The following CDK13 variants were observed in gnomAD, a reference collection of about 807,000 sequenced individuals.
CDK13 encodes the protein cyclin dependent kinase 13.
In CDK13, 40 loss-of-function variants were observed where a neutral mutation model predicts 137.6. The ratio of observed to expected loss-of-function variants is 0.29; its 90% CI spans 0.23 to 0.38. CDK13 has a LOEUF of 0.38. Among genes scored for constraint, CDK13 ranks in the 10% least tolerant of loss-of-function variants. The pLI is 1.00. For missense variants in CDK13, 1,704 were observed against 1,951.8 expected, an observed-to-expected ratio of 0.87 and a Z score of 2.39; for synonymous variants, 869 against 760.1, an observed-to-expected ratio of 1.14 and a Z score of -2.36.
intron 7 of CDK13, among the ~76,000 whole-genome samples, chr7:40,051,351 A>G (rs4720347): frequency 6.6e-6 from 1 of 151,752 alleles, no homozygotes; most frequent in African/African-American, 2.4e-5. Context: ...TAAAATACAT[A>G]TGTTGCTCTA....
At chr7:40,022,642 G>A (rs1004384933) in intron 5 of CDK13, among the ~76,000 whole-genome samples, 1 of 144,870 alleles carries the variant, frequency 6.9e-6, no homozygotes. Flanking sequence ...GGGGAATAGA[G>A]GAAGTATCTT....
At chr7:40,024,104 A>G (rs2150499091) in intron 5 of CDK13, among the ~76,000 whole-genome samples, 1 of 152,274 alleles carries the variant, frequency 6.6e-6, no homozygotes, top group South Asian at 2.1e-4. Context: ...TCTCAGAGGA[A>G]GTAATATTTC....
intron 2 of CDK13, among the ~76,000 whole-genome samples, chr7:39,990,285 G>A (rs1303327044): frequency 7.0e-6 from 1 of 142,550 alleles, no homozygotes; most frequent in Non-Finnish European, 1.5e-5. Flanking sequence ...CCTTTTTGTT[G>A]TCTCTTCTTT....
chr7:39,994,422 CT>C (rs564520931), intron 2 of CDK13, among the ~76,000 whole-genome samples: 70 of 152,150 alleles, frequency 4.6e-4, no homozygotes, highest in Non-Finnish European at 9.0e-4. Context: ...TGTTTCTCTA[CT>C]TTCTTTTCTT....
At chr7:40,040,115 G>T (rs1396024761) in intron 5 of CDK13, among the ~76,000 whole-genome samples, 1 of 151,554 alleles carries the variant, frequency 6.6e-6, no homozygotes, top group Non-Finnish European at 1.5e-5. Flanking sequence ...AGATTCAAGC[G>T]ATTCTCCTGC....
intron 5 of CDK13, among the ~76,000 whole-genome samples, chr7:40,024,997 G>A (rs1424211028): frequency 2.0e-5 from 3 of 151,990 alleles, no homozygotes; most frequent in Non-Finnish European, 2.9e-5. Context: ...TCATATCTCT[G>A]TGCCATTACC....
Position 40,094,215 on chromosome 7 carries a change from C to A in CDK13, c.3774C>A (p.Asp1258Glu). The change falls in exon 14 of 14, where the codon GAC becomes GAA. Residue 1258 changes from aspartate (D) to glutamate (E), a missense_variant. Coordinates refer to ENST00000181839, the MANE Select transcript of CDK13 (RefSeq NM_003718.5). ...EPDRPRILPP[D>E]QRPPEPPEPP... ...ACCGGCCTCGAATTCTGCCTCCTGA[C>A]CAACGACCTCCCGAGCCTCCTGAAC... 6.2e-7 allele frequency: 1 copy of A among 1,613,826 alleles called. No individual in the cohort carries two copies. The highest frequency in any genetic ancestry group is 8.5e-7 in the Non-Finnish European group (1 of 1,179,926).
chr7:40,054,274 T>G (rs912423998), intron 7 of CDK13, among the ~76,000 whole-genome samples: 1 of 152,240 alleles, frequency 6.6e-6, no homozygotes, highest in Non-Finnish European at 1.5e-5. Context: ...TTTCTACTTT[T>G]GAATCTCCCT....
intron 11 of CDK13, among the ~76,000 whole-genome samples, chr7:40,087,731 T>C (rs994122531): frequency 6.6e-6 from 1 of 151,376 alleles, no homozygotes; most frequent in Non-Finnish European, 1.5e-5. Context: ...GTATTTTTAG[T>C]AGAAACGGGG....
In CDK13 at chr7:39,957,517, T is replaced by C. The variant is rs185298731; in HGVS notation, c.1211+5665T>C. 6.6e-5 allele frequency among the ~76,000 whole-genome samples: 10 copies of C among 152,356 alleles called. No individual in the cohort carries two copies. In the East Asian group the frequency reaches 1.2e-3, roughly 18 times the overall value. ...AACCAGTCTGCACAGATGCGAGTTA[T>C]ATCTGTAAACTTGCTTGGTATTTTG... On this transcript the variant is annotated intron_variant, in intron 1 of 13. Coordinates refer to ENST00000181839, the MANE Select transcript of CDK13 (RefSeq NM_003718.5).
At chr7:39,984,101 C>T (rs567277583) in intron 1 of CDK13, 1 of 152,298 alleles carries the variant, frequency 6.6e-6, no homozygotes, top group African/African-American at 2.4e-5. Context: ...CTTCCCTCCA[C>T]ACTGTATTAA....
intron 2 of CDK13, among the ~76,000 whole-genome samples, chr7:39,996,904 C>A (rs1784571002): frequency 7.6e-6 from 1 of 131,902 alleles, no homozygotes; most frequent in Non-Finnish European, 1.5e-5. Flanking sequence ...GTGGAGGTTG[C>A]AGTGAGCCAG....
chr7:39,970,886 A>G (rs1286654075), intron 1 of CDK13, among the ~76,000 whole-genome samples: 3 of 152,220 alleles, frequency 2.0e-5, no homozygotes, highest in African/African-American at 7.2e-5. Flanking sequence ...TTTCCTTTTT[A>G]CAGATCCAAC....
rs1784150934 is a variant in CDK13 at position 39,978,313 on chromosome 7, T to C, written c.1212-9286T>C. 2.0e-5 allele frequency among the ~76,000 whole-genome samples: 3 copies of C among 152,266 alleles called. No individual in the cohort carries two copies. In the South Asian group the frequency reaches 6.2e-4, roughly 32 times the overall value. On this transcript the variant is annotated intron_variant, in intron 1 of 13. Coordinates refer to ENST00000181839, the MANE Select transcript of CDK13 (RefSeq NM_003718.5). The stretch of plus-strand genomic sequence containing the variant: ...TTGCAGCAGAGAGAGACTTTTAAGG[T>C]TGTAGCCAACATTATCACAGACAGT...
intron 5 of CDK13, among the ~76,000 whole-genome samples, chr7:40,044,518 C>T (rs1181959949): frequency 6.6e-6 from 1 of 151,356 alleles, no homozygotes; most frequent in Admixed American, 6.6e-5. Flanking sequence ...AGGGTTTCGA[C>T]ATGTTGCCCA....
chr7:40,031,771 G>A (rs1214906238), intron 5 of CDK13, among the ~76,000 whole-genome samples: 1 of 151,092 alleles, frequency 6.6e-6, no homozygotes, highest in Non-Finnish European at 1.5e-5. Context: ...TCAGCCTCCT[G>A]AGTAGCCGGG....
intron 7 of CDK13, among the ~76,000 whole-genome samples, chr7:40,054,850 C>A (rs1785976587): frequency 1.3e-5 from 2 of 152,096 alleles, no homozygotes; most frequent in Non-Finnish European, 2.9e-5. Context: ...TGTCTGCCTT[C>A]TTTTAAAAAA....
chr7:40,006,099 A>G (rs1784791758), intron 5 of CDK13, among the ~76,000 whole-genome samples: 1 of 152,206 alleles, frequency 6.6e-6, no homozygotes, highest in Admixed American at 6.5e-5. Flanking sequence ...TAACGCTTTC[A>G]TCTGCATATA....
At chr7:40,047,519 G>A (rs1255673355) in intron 6 of CDK13, among the ~76,000 whole-genome samples, 1 of 151,946 alleles carries the variant, frequency 6.6e-6, no homozygotes, top group Admixed American at 6.6e-5. Context: ...ATTGAAGTAT[G>A]CTTTTCTAAA....
Sources: allele counts gnomAD v4.1 joint callset (sites outside exome capture counted in the v4.1 genomes callset), GRCh38; gene constraint gnomAD v4.1.1; transcripts MANE v1.5; gene names NCBI Gene and HGNC (gene_info 2026-07-23, HGNC 2026-07-21).